Variants in SOCS4 observed in about 807,000 individuals in gnomAD.
The protein encoded by SOCS4 is SH2 domain containing SOCS box protein.
Under a neutral mutation model 34.1 loss-of-function variants are expected in SOCS4, and 20 were observed. That is an observed-to-expected ratio of 0.59 (90% CI 0.41 to 0.85). SOCS4 has a LOEUF of 0.85. SOCS4 is among the 40% of genes least tolerant of loss of function. SOCS4 has a pLI of 0.00. For missense variants in SOCS4, 479 were observed against 532.4 expected, an observed-to-expected ratio of 0.90 and a Z score of 0.99; for synonymous variants, 180 against 186.4, an observed-to-expected ratio of 0.97 and a Z score of 0.28.
At chr14:55,028,646 A>AAAG (rs1304681080) in intron 1 of SOCS4, among the ~76,000 whole-genome samples, 1 of 152,180 alleles carries the variant, frequency 6.6e-6, no homozygotes, top group Non-Finnish European at 1.5e-5. Flanking sequence ...CCTTCACTAT[A>AAAG]ATATCTGTAA....
At chr14:55,032,983 C>T (rs1009463395) in intron 2 of SOCS4, among the ~76,000 whole-genome samples, 4 of 152,036 alleles carry the variant, frequency 2.6e-5, no homozygotes, top group African/African-American at 2.4e-5. Flanking sequence ...GGGGTTTCAC[C>T]GTGTTAGTCA....
rs536787893 is a variant in SOCS4, at chr14:55,037,614, C to T, written c.-90-5338C>T. Among the ~76,000 whole-genome samples, 405 of 152,102 alleles carry T rather than the reference C, an allele frequency of 2.7e-3. 1 individual carries two copies. Among genetic ancestry groups the T allele is most frequent in the African/African-American group, 8.9e-3 (371 of 41,468 alleles). ...ATTCAAGCGATTCTCCTGCCTCAGCCGCCCAAGTAGCTGGGATTACAGGCG... is the reference window on the plus strand; with the variant it reads ...ATTCAAGCGATTCTCCTGCCTCAGCTGCCCAAGTAGCTGGGATTACAGGCG... On this transcript the variant is annotated intron_variant, in intron 2 of 2. Transcript: ENST00000555846.
chr14:55,029,838 G>A (rs1476505166), intron 1 of SOCS4, among the ~76,000 whole-genome samples: 1 of 152,086 alleles, frequency 6.6e-6, no homozygotes, highest in African/African-American at 2.4e-5. Context: ...GTACTTGTCT[G>A]TATGTATACT....
At chr14:55,040,195 A>G (rs868671118) in intron 2 of SOCS4, among the ~76,000 whole-genome samples, 2 of 152,236 alleles carry the variant, frequency 1.3e-5, no homozygotes, top group Admixed American at 6.5e-5. Context: ...GTTTCTTTCA[A>G]AATTAAATAA....
rs1344285882 is a variant in SOCS4, at chr14:55,045,678, ATCT to A, written c.*1319_*1321del. 1.2e-5 allele frequency: 2 copies of A among 166,916 alleles called. No individual in the cohort carries two copies. The highest frequency in any genetic ancestry group is 3.8e-4 in the East Asian group (2 of 5,198). The allele number at this position is 166,916 out of a possible 1,614,324, so 10.3% of individuals were successfully genotyped here. ...GTAAAAATAAATGGAGTGGTATCCTATCTTCTTTTTTTAAGGAATCAATGAATA... is the reference window on the plus strand; with the variant it reads ...GTAAAAATAAATGGAGTGGTATCCTATCTTTTTTTAAGGAATCAATGAATA... On this transcript the variant is annotated 3_prime_UTR_variant, in exon 3 of 3. Transcript: ENST00000555846.
Position 55,048,760 on chromosome 14 carries a change from TC to T in SOCS4, c.*4398del, listed in dbSNP as rs1259090451. On this transcript the variant is annotated 3_prime_UTR_variant, in exon 3 of 3. Coordinates refer to ENST00000555846, the MANE Select transcript of SOCS4 (RefSeq NM_199421.2). ...TTCTAATTTTGAACAGATGACTCAG[TC>T]CTAAATCTTTGCCTTTATTTCCTAT... The T allele has an allele frequency of 6.0e-6, 1 of 167,118 alleles. No homozygotes were observed. The highest frequency in any genetic ancestry group is 6.5e-5 in the Admixed American group (1 of 15,292). The allele number at this position is 167,118 out of a possible 1,614,324, so 10.4% of individuals were successfully genotyped here.
chr14:55,030,314 A>G (rs111814626), intron 1 of SOCS4, among the ~76,000 whole-genome samples: 6 of 152,152 alleles, frequency 3.9e-5, no homozygotes, highest in African/African-American at 1.4e-4. Context: ...ACTTAAATCT[A>G]TTTACTAAGC....
rs2042666640 is a variant in SOCS4 at position 55,045,464 on chromosome 14, A to T, written c.*1100A>T. 1 of 166,988 alleles carries T rather than the reference A, an allele frequency of 6.0e-6. No individual in the cohort carries two copies. The highest frequency in any genetic ancestry group is 1.5e-5 in the Non-Finnish European group (1 of 68,038). The allele number at this position is 166,988 out of a possible 1,614,324, so 10.3% of individuals were successfully genotyped here. ...CTTAATACTGTTTTTGATCTACAAG[A>T]TCCAAATAATTATCCCTATCTTCAG... is the stretch of plus-strand genomic sequence containing the variant. On this transcript the variant is annotated 3_prime_UTR_variant, in exon 3 of 3. Transcript: ENST00000555846.
Position 55,044,107 on chromosome 14 carries a change from G to A in SOCS4, c.1066G>A (p.Asp356Asn). The A allele has an allele frequency of 2.5e-6, 4 of 1,614,110 alleles. No individual in the cohort carries two copies. The highest frequency in any genetic ancestry group is 3.4e-6 in the Non-Finnish European group (4 of 1,180,000). Reference sequence around the variant, plus strand: ...TGACCCCTGTGTCTTCCATTCTCCTGACATTACTGGGCTCCTAGAACATTA... The same window carrying A: ...TGACCCCTGTGTCTTCCATTCTCCTAACATTACTGGGCTCCTAGAACATTA... The part of the protein sequence containing the change: ...AHDPCVFHSP[D>N]ITGLLEHYKD... Residue 356 changes from aspartate (D) to asparagine (N), a missense_variant, in exon 3 of 3, where the codon GAC becomes AAC. Transcript: ENST00000555846.
At chr14:55,028,707 A>G (rs563506884) in intron 1 of SOCS4, among the ~76,000 whole-genome samples, 23 of 152,344 alleles carry the variant, frequency 1.5e-4, no homozygotes, top group Admixed American at 1.4e-3. Context: ...TTCTCTTATC[A>G]ATCAAGCCAT....
At chr14:55,038,067 A>G (rs1222568947) in intron 2 of SOCS4, among the ~76,000 whole-genome samples, 1 of 152,226 alleles carries the variant, frequency 6.6e-6, no homozygotes, top group East Asian at 1.9e-4. Context: ...CCTCATAATC[A>G]TGGCAGAAGG....
rs373362584 is a variant in SOCS4, at chr14:55,043,099, C to T, written c.58C>T (p.Arg20Trp). ...TGTAGATGTAAGGCCCAAAACTAGT[C>T]GGAGCAGAAGTGCCGACAGAAAAGA... ...KNVDVRPKTS[R>W]SRSADRKDGY... The change falls in exon 3 of 3, where the codon CGG becomes TGG. Residue 20 changes from arginine to tryptophan, a missense_variant. Physicochemically the swap from Arg to Trp is moderately radical, Grantham distance 101. Coordinates refer to ENST00000555846, the MANE Select transcript of SOCS4 (RefSeq NM_199421.2). The T allele has an allele frequency of 3.5e-5, 57 of 1,613,804 alleles. No individual in the cohort carries two copies. Among genetic ancestry groups the T allele is most frequent in the Non-Finnish European group, 4.3e-5 (51 of 1,179,872 alleles).
At chr14:55,029,283 C>T (rs2042507029) in intron 1 of SOCS4, among the ~76,000 whole-genome samples, 2 of 152,096 alleles carry the variant, frequency 1.3e-5, no homozygotes, top group African/African-American at 2.4e-5. Context: ...AAAAAGAAAT[C>T]AGTGTAGCTG....
chr14:55,031,107 A>G (rs2042525131), intron 1 of SOCS4, among the ~76,000 whole-genome samples: 1 of 152,146 alleles, frequency 6.6e-6, no homozygotes. Flanking sequence ...GATTGGAAGA[A>G]AAAATAAATC....
intron 1 of SOCS4, among the ~76,000 whole-genome samples, chr14:55,029,694 G>A (rs575845181): frequency 8.5e-5 from 13 of 152,248 alleles, no homozygotes; most frequent in African/African-American, 2.6e-4. Context: ...AAGGCTAGAA[G>A]AGTGTAACAA....
chr14:55,033,060 G>A (rs1418589199), intron 2 of SOCS4, among the ~76,000 whole-genome samples: 2 of 152,178 alleles, frequency 1.3e-5, no homozygotes, highest in African/African-American at 4.8e-5. Flanking sequence ...GGGATTACAG[G>A]TGTGAGCCAC....
At chr14:55,035,980 C>G (rs1435917989) in intron 2 of SOCS4, among the ~76,000 whole-genome samples, 1 of 151,738 alleles carries the variant, frequency 6.6e-6, no homozygotes, top group East Asian at 1.9e-4. Context: ...AAAAAAAATG[C>G]GGACACGAGC....
chr14:55,032,529 G>C (rs898694882), intron 2 of SOCS4, among the ~76,000 whole-genome samples: 1 of 150,522 alleles, frequency 6.6e-6, no homozygotes, highest in Non-Finnish European at 1.5e-5. Flanking sequence ...TAAGAAATAT[G>C]ACTTAAAAAA....
At chr14:55,038,459 C>T (rs1194603224) in intron 2 of SOCS4, among the ~76,000 whole-genome samples, 1 of 152,192 alleles carries the variant, frequency 6.6e-6, no homozygotes, top group Non-Finnish European at 1.5e-5. Context: ...CAGCTATCAG[C>T]TTTGACAGAT....
Sources: gnomAD v4.1 joint callset for allele counts (sites outside exome capture counted in the v4.1 genomes callset) on GRCh38, gnomAD v4.1.1 for gene constraint, MANE v1.5 for transcripts, NCBI Gene and HGNC (gene_info 2026-07-23, HGNC 2026-07-21) for gene names.